PFKFB2: variants seen among roughly 807,000 people sequenced by gnomAD.
PFKFB2 encodes 6-phosphofructo-2-kinase/fructose-2,6-biphosphatase 2.
PFKFB2 carries 53 observed loss-of-function variants against 68.0 expected under a neutral mutation model. The observed-to-expected ratio is 0.78, with a 90% CI of 0.63 to 0.98. The LOEUF (loss-of-function observed/expected upper bound fraction) is 0.98, where lower values mean the gene tolerates loss of function less well. Among genes scored for constraint, PFKFB2 ranks in the 50% least tolerant of loss-of-function variants. PFKFB2 has a pLI of 0.00. For missense variants in PFKFB2, 451 were observed against 642.0 expected, an observed-to-expected ratio of 0.70 and a Z score of 3.22; for synonymous variants, 222 against 227.6, an observed-to-expected ratio of 0.98 and a Z score of 0.22.
rs57077682 is a variant in PFKFB2 at position 207,042,549 on chromosome 1, C to CAAAAAAAAAAAAAAA, written c.-18+355_-18+369dup. Reference sequence around the variant, plus strand: ...GGCGACACAGCAACACTCTGTCTCACAAAAAAAAAAAAAAAAAAAAAAAAA... The same window carrying CAAAAAAAAAAAAAAA: ...GGCGACACAGCAACACTCTGTCTCACAAAAAAAAAAAAAAAAAAAAAAAAAAAAAAAAAAAAAAAA... On this transcript the variant is annotated intron_variant, in intron 2 of 5. Transcript: ENST00000545806. Among the ~76,000 whole-genome samples, 70 of 44,710 alleles carry CAAAAAAAAAAAAAAA rather than the reference C, an allele frequency of 1.6e-3. 14 individuals carry two copies. The highest frequency in any genetic ancestry group is 0.016 in the Middle Eastern group (1 of 62). The allele number at this position is 44,710 out of a possible 152,430, so 29.3% of individuals were successfully genotyped here. A position where few individuals can be genotyped will look rare whatever the true frequency, so the allele number is the denominator to read the frequency against.
In PFKFB2 at chr1:207,063,507, T is replaced by A; in HGVS notation, c.450+86T>A. On this transcript the variant is annotated intron_variant, in intron 6 of 14. Transcript: ENST00000367080. This position sits in a 1 kb window ranked among gnomAD's most constrained non-coding sequence, Gnocchi z 4.1. ...GGCATGGATCTCTCACTCTAGTGGG[T>A]GAGGACAGGATGGGATATCTGAATC... The A allele has an allele frequency of 1.1e-6, 1 of 905,954 alleles. No homozygotes were observed. 56.1% of individuals were successfully genotyped at this position (905,954 alleles called of 1,614,324 possible).
chr1:207,076,420 G>T lies in PFKFB2; in HGVS notation c.*4049G>T, dbSNP rs1572740855. ...CTTTGCCAAGCCCAGAAGCCATGTT[G>T]TGTTCATTGTTAAGAAATTTGATAG... On this transcript the variant is annotated 3_prime_UTR_variant, in exon 15 of 15. Transcript: ENST00000367080. The T allele has an allele frequency of 2.0e-6, 2 of 985,034 alleles. No homozygotes were observed. Among genetic ancestry groups the T allele is most frequent in the Middle Eastern group, 5.2e-4 (1 of 1,914 alleles). 61.0% of individuals were successfully genotyped at this position (985,034 alleles called of 1,614,324 possible). A position where few individuals can be genotyped will look rare whatever the true frequency, so the allele number is the denominator to read the frequency against.
intron 1 of PFKFB2, among the ~76,000 whole-genome samples, chr1:207,041,558 G>A (rs552661593): frequency 6.6e-6 from 1 of 152,100 alleles, no homozygotes; most frequent in Non-Finnish European, 1.5e-5. Context: ...TGCAAAGGAC[G>A]TGAACTCATT....
Position 207,065,122 on chromosome 1 carries a change from A to T in PFKFB2, c.594A>T (p.Lys198Asn). ...TCCTGAAGAGAATTGAATGCTACAAAGTTACCTACCGACCTCTTGACCCAG... is the reference window on the plus strand; with the variant it reads ...TCCTGAAGAGAATTGAATGCTACAATGTTACCTACCGACCTCTTGACCCAG... ...EDFLKRIECYKVTYRPLDPDN... is the reference protein window; with the variant it reads ...EDFLKRIECYNVTYRPLDPDN... Residue 198 changes from lysine to asparagine, a missense_variant, in exon 8 of 15, where the codon AAA becomes AAT. Coordinates refer to ENST00000367080, the MANE Select transcript of PFKFB2 (RefSeq NM_006212.2). 1 of 1,614,064 alleles carries T rather than the reference A, an allele frequency of 6.2e-7. No individual in the cohort carries two copies. Among genetic ancestry groups the T allele is most frequent in the Non-Finnish European group, 8.5e-7 (1 of 1,179,974 alleles).
At position 207,073,802 on chromosome 1, in the gene PFKFB2, A is replaced by G; in HGVS notation, c.*1431A>G. The G allele has an allele frequency of 1.0e-6, 1 of 985,380 alleles. No homozygotes were observed. The highest frequency in any genetic ancestry group is 1.2e-6 in the Non-Finnish European group (1 of 829,884). The allele number at this position is 985,380 out of a possible 1,614,324, so 61.0% of individuals were successfully genotyped here. A position where few individuals can be genotyped will look rare whatever the true frequency, so the allele number is the denominator to read the frequency against. On this transcript the variant is annotated 3_prime_UTR_variant, in exon 15 of 15. Coordinates refer to ENST00000367080, the MANE Select transcript of PFKFB2 (RefSeq NM_006212.2). Reference sequence around the variant, plus strand: ...CCATGATGGCTTATTCTCTTTCCCAATTTTGCATGCAAAATGTACGAATAT... The same window carrying G: ...CCATGATGGCTTATTCTCTTTCCCAGTTTTGCATGCAAAATGTACGAATAT...
At chr1:207,048,730 T>C, upstream of PFKFB2, 2 of 342,618 alleles carry the variant, frequency 5.8e-6, no homozygotes, top group Non-Finnish European at 1.1e-5. Flanking sequence ...TAGTTTATAA[T>C]ACTCAATCTC....
intron 8 of PFKFB2, among the ~76,000 whole-genome samples, chr1:207,067,093 C>A (rs182324387): frequency 1.5e-4 from 23 of 152,322 alleles, no homozygotes; most frequent in African/African-American, 5.1e-4. Context: ...TGCCTCTTCC[C>A]TTCCCCTCGT....
upstream of PFKFB2, chr1:207,050,698 G>T (rs367980347): frequency 4.2e-5 from 68 of 1,613,004 alleles, no homozygotes; most frequent in Middle Eastern, 3.3e-4. Context: ...CAGATTGGAT[G>T]GGCAAGTCTT....
chr1:207,036,195 A>T (rs1682375423), intron 1 of PFKFB2, among the ~76,000 whole-genome samples: 2 of 152,186 alleles, frequency 1.3e-5, no homozygotes, highest in South Asian at 4.1e-4. Context: ...GGGACAGAAC[A>T]TTCACACTAT....
At position 207,073,173 on chromosome 1, in the gene PFKFB2, G is replaced by T. The variant is rs1012714710; in HGVS notation, c.*802G>T. On this transcript the variant is annotated 3_prime_UTR_variant, in exon 15 of 15. Coordinates refer to ENST00000367080, the MANE Select transcript of PFKFB2 (RefSeq NM_006212.2). Reference sequence around the variant, plus strand: ...GTCTTCGATGCCCTGGGAGAATCTGGCTCTGAGCATGTGGGAAATGTCTTG... The same window carrying T: ...GTCTTCGATGCCCTGGGAGAATCTGTCTCTGAGCATGTGGGAAATGTCTTG... The T allele has an allele frequency of 1.0e-6, 1 of 985,554 alleles. No individual in the cohort carries two copies. The highest frequency in any genetic ancestry group is 1.2e-6 in the Non-Finnish European group (1 of 830,032). 61.1% of individuals were successfully genotyped at this position (985,554 alleles called of 1,614,324 possible). A position where few individuals can be genotyped will look rare whatever the true frequency, so the allele number is the denominator to read the frequency against.
At position 207,065,129 on chromosome 1, in the gene PFKFB2, T is replaced by C. The variant is rs755485099; in HGVS notation, c.601T>C (p.Tyr201His). 6.2e-7 allele frequency: 1 copy of C among 1,613,980 alleles called. No individual in the cohort carries two copies. The highest frequency in any genetic ancestry group is 1.1e-5 in the South Asian group (1 of 91,080). The change falls in exon 8 of 15, where the codon TAC becomes CAC. Residue 201 changes from tyrosine to histidine, a missense_variant. Transcript: ENST00000367080. ...LKRIECYKVT[Y>H]RPLDPDNYDK... Reference sequence around the variant, plus strand: ...GAGAATTGAATGCTACAAAGTTACCTACCGACCTCTTGACCCAGACAACTA... The same window carrying C: ...GAGAATTGAATGCTACAAAGTTACCCACCGACCTCTTGACCCAGACAACTA...
intron 13 of PFKFB2, 93 bp from the exon 14 acceptor site, chr1:207,071,416 T>A (rs1357655091): frequency 5.0e-5 from 56 of 1,125,516 alleles, no homozygotes; most frequent in Non-Finnish European, 7.4e-5. Context: ...TATTGCAGAA[T>A]GCGTACATTC....
upstream of PFKFB2, chr1:207,049,766 G>C: frequency 2.6e-6 from 4 of 1,545,344 alleles, no homozygotes; most frequent in South Asian, 4.9e-5. Context: ...AGAAATTACA[G>C]AAGAAACCGA....
chr1:207,054,594 C>T (rs952376937), intron 1 of PFKFB2, 107 bp from the exon 2 acceptor site: 4 of 664,748 alleles, frequency 6.0e-6, no homozygotes, highest in African/African-American at 1.8e-5. Flanking sequence ...TGCCTCTTGG[C>T]CCAGGGTGTT....
chr1:207,080,265 T>C (rs1683730331), downstream of PFKFB2: 1 of 152,226 alleles, frequency 6.6e-6, no homozygotes, highest in Non-Finnish European at 1.5e-5. Context: ...AGCTTTACTT[T>C]TCTTTCTTTT....
chr1:207,067,178 T>C (rs919078621), intron 8 of PFKFB2, among the ~76,000 whole-genome samples: 1 of 152,204 alleles, frequency 6.6e-6, no homozygotes, highest in Non-Finnish European at 1.5e-5. Flanking sequence ...AATTTTGGGC[T>C]TAGCAAAATC....
chr1:207,059,417 C>T (rs1326112703), intron 2 of PFKFB2, among the ~76,000 whole-genome samples: 2 of 152,106 alleles, frequency 1.3e-5, no homozygotes, highest in Admixed American at 1.3e-4. Flanking sequence ...AGTGAAGACT[C>T]AGGGGATTTT....
intron 7 of PFKFB2, among the ~76,000 whole-genome samples, chr1:207,064,182 C>T (rs1683213355): frequency 2.0e-5 from 3 of 152,070 alleles, no homozygotes; most frequent in African/African-American, 7.2e-5. Context: ...CACGGTGGCT[C>T]ATGCTTGTAG....
upstream of PFKFB2, among the ~76,000 whole-genome samples, chr1:207,051,920 C>G (rs1682761888): frequency 6.6e-6 from 1 of 152,212 alleles, no homozygotes; most frequent in African/African-American, 2.4e-5. Context: ...GAGAGGGCAA[C>G]TAGAGCACTC....
Sources: allele counts gnomAD v4.1 joint callset (sites outside exome capture counted in the v4.1 genomes callset), GRCh38; gene constraint gnomAD v4.1.1; non-coding constraint Gnocchi (gnomAD v3.1); transcripts MANE v1.5; gene names NCBI Gene and HGNC (gene_info 2026-07-23, HGNC 2026-07-21).